The following FBXL17 variants were observed in gnomAD, a reference collection of about 807,000 sequenced individuals.
FBXL17 encodes the protein F-box/LRR-repeat protein 17.
A neutral mutation model predicts 66.2 loss-of-function variants in FBXL17; 22 were observed. The observed-to-expected ratio is 0.33, with a 90% confidence interval of 0.24 to 0.47. The LOEUF (loss-of-function observed/expected upper bound fraction) is 0.47. FBXL17 is among the 20% of genes least tolerant of loss of function. The pLI is 1.00. For missense variants in FBXL17, 878 were observed against 948.2 expected, an observed-to-expected ratio of 0.93 and a Z score of 0.97; for synonymous variants, 474 against 400.5, an observed-to-expected ratio of 1.18 and a Z score of -2.19.
At chr5:107,962,992 T>A (rs1040038677) in intron 7 of FBXL17, among the ~76,000 whole-genome samples, 1 of 152,162 alleles carries the variant, frequency 6.6e-6, no homozygotes, top group East Asian at 1.9e-4. Flanking sequence ...TAGGAAACAT[T>A]TTCATTTGAA....
intron 3 of FBXL17, among the ~76,000 whole-genome samples, chr5:108,358,490 T>C (rs1440937921): frequency 6.6e-6 from 1 of 152,168 alleles, no homozygotes; most frequent in African/African-American, 2.4e-5. Context: ...ATTACATTGA[T>C]TGATATTTGT....
At chr5:107,916,846 G>C (rs1750149248) in intron 7 of FBXL17, among the ~76,000 whole-genome samples, 1 of 152,166 alleles carries the variant, frequency 6.6e-6, no homozygotes, top group Admixed American at 6.6e-5. Flanking sequence ...TCAAACATAT[G>C]TGGTTAAAAA....
intron 6 of FBXL17, among the ~76,000 whole-genome samples, chr5:108,099,286 G>A (rs1168776751): frequency 6.6e-6 from 1 of 152,186 alleles, no homozygotes; most frequent in African/African-American, 2.4e-5. Context: ...ACATTGTAGG[G>A]GGGCAGTATT....
In FBXL17 at chr5:108,381,224, G is replaced by A; in HGVS notation, c.468C>T (p.Gly156=). ...LAAAAAWEQQ[G]RSLFLASLGP... ...CCAAGCTGGCCAGGAAGAGACTTCG[G>A]CCCTGCTGCTCCCAGGCGGCGGCCG... Residue 156 remains glycine (G), a synonymous_variant, in exon 1 of 9, where the codon GGC becomes GGT. Coordinates refer to ENST00000542267, the MANE Select transcript of FBXL17 (RefSeq NM_001163315.3). 1 of 1,447,578 alleles carries A rather than the reference G, an allele frequency of 6.9e-7. No homozygotes were observed. The highest frequency in any genetic ancestry group is 1.3e-5 in the South Asian group (1 of 74,676). The allele number at this position is 1,447,578 out of a possible 1,614,324, so 89.7% of individuals were successfully genotyped here.
chr5:107,916,605 AAG>A (rs1353036227), intron 7 of FBXL17, among the ~76,000 whole-genome samples: 1 of 89,636 alleles, frequency 1.1e-5, no homozygotes, highest in Non-Finnish European at 3.1e-5. Flanking sequence ...AAATGAAGTC[AAG>A]TCTAAAATTT....
intron 6 of FBXL17, among the ~76,000 whole-genome samples, chr5:108,110,301 G>T (rs909149896): frequency 6.6e-6 from 1 of 152,118 alleles, no homozygotes; most frequent in East Asian, 1.9e-4. Context: ...CAGTAATATA[G>T]TCTATTTATT....
In FBXL17 at chr5:108,203,185, T is replaced by C. The variant is rs559893793; in HGVS notation, c.1615-16938A>G. ...TCATGATGAATATTTTTTAATTAGC[T>C]TTTTTTTTTCATTGTTCAACCACTT... is the stretch of plus-strand genomic sequence containing the variant. On this transcript the variant is annotated intron_variant, in intron 5 of 8. Coordinates refer to ENST00000542267, the MANE Select transcript of FBXL17 (RefSeq NM_001163315.3). Among the ~76,000 whole-genome samples the C allele has an allele frequency of 3.0e-4, 45 of 149,722 alleles. No individual in the cohort carries two copies. In the South Asian group the frequency reaches 9.1e-3, roughly 30 times the overall value.
At chr5:108,246,483 C>T (rs1756102712) in intron 4 of FBXL17, among the ~76,000 whole-genome samples, 1 of 152,152 alleles carries the variant, frequency 6.6e-6, no homozygotes, top group Non-Finnish European at 1.5e-5. Flanking sequence ...TGCCACTGCA[C>T]TCCACCCTAG....
intron 4 of FBXL17, among the ~76,000 whole-genome samples, chr5:108,329,727 A>C (rs759702666): frequency 6.6e-6 from 1 of 152,198 alleles, no homozygotes; most frequent in Non-Finnish European, 1.5e-5. Flanking sequence ...AAAATATTTC[A>C]CTTGAAGATG....
At chr5:108,179,182 C>G (rs1229504183) in intron 6 of FBXL17, among the ~76,000 whole-genome samples, 1 of 152,156 alleles carries the variant, frequency 6.6e-6, no homozygotes, top group Non-Finnish European at 1.5e-5. Context: ...TTTTATATCA[C>G]CAACACCTGC....
At chr5:107,910,720 C>T (rs766890263) in intron 7 of FBXL17, among the ~76,000 whole-genome samples, 1 of 151,952 alleles carries the variant, frequency 6.6e-6, no homozygotes, top group Non-Finnish European at 1.5e-5. Context: ...TAGCTAGTTA[C>T]AAGATCCACA....
intron 7 of FBXL17, among the ~76,000 whole-genome samples, chr5:107,939,216 CAAGT>C: frequency 6.6e-6 from 1 of 152,148 alleles, no homozygotes; most frequent in African/African-American, 2.4e-5. Flanking sequence ...ATTTTACCTA[CAAGT>C]AATATGTAGG....
At chr5:107,900,150 C>T (rs1749524462) in intron 7 of FBXL17, among the ~76,000 whole-genome samples, 1 of 152,068 alleles carries the variant, frequency 6.6e-6, no homozygotes, top group Admixed American at 6.6e-5. Context: ...AGAGTATTTT[C>T]AGTAAGGATT....
intron 6 of FBXL17, among the ~76,000 whole-genome samples, chr5:108,112,269 T>C (rs1750066533): frequency 6.6e-6 from 1 of 152,280 alleles, no homozygotes; most frequent in South Asian, 2.1e-4. Context: ...AGAACCATCA[T>C]TAAGGAATAA....
intron 6 of FBXL17, among the ~76,000 whole-genome samples, chr5:108,149,953 T>G (rs1263362892): frequency 6.6e-6 from 1 of 152,218 alleles, no homozygotes; most frequent in Non-Finnish European, 1.5e-5. Flanking sequence ...AAAAACCTAA[T>G]GTTTGTTAGA....
At chr5:108,191,837 A>G (rs980276036) in intron 5 of FBXL17, among the ~76,000 whole-genome samples, 1 of 152,204 alleles carries the variant, frequency 6.6e-6, no homozygotes, top group Admixed American at 6.5e-5. Flanking sequence ...ATACATGAAG[A>G]AACAGGTTTA....
At chr5:108,245,664 A>C (rs892173860) in intron 4 of FBXL17, among the ~76,000 whole-genome samples, 4 of 152,222 alleles carry the variant, frequency 2.6e-5, no homozygotes, top group African/African-American at 9.6e-5. Flanking sequence ...ATAAACACTT[A>C]AACTCTACAA....
At position 108,318,185 on chromosome 5, in the gene FBXL17, C is replaced by T. The variant is rs900005254; in HGVS notation, c.1506+30214G>A. 2.0e-5 allele frequency among the ~76,000 whole-genome samples: 3 copies of T among 151,638 alleles called. No homozygotes were observed. The Admixed American group carries it at 2.0e-4, about 10-fold the overall frequency. On this transcript the variant is annotated intron_variant, in intron 4 of 8. Transcript: ENST00000542267. The stretch of plus-strand genomic sequence containing the variant: ...GCCTTGTATTCTTAATCATCGACAG[C>T]CAGTTTATCAACAAATTAGTAATGA...
intron 7 of FBXL17, among the ~76,000 whole-genome samples, chr5:107,999,156 T>C (rs1753606695): frequency 2.6e-5 from 4 of 152,190 alleles, no homozygotes; most frequent in Admixed American, 2.6e-4. Flanking sequence ...TATTATGTTA[T>C]ATAGGTCTAT....
Sources: gnomAD v4.1 joint callset for allele counts (sites outside exome capture counted in the v4.1 genomes callset) on GRCh38, gnomAD v4.1.1 for gene constraint, MANE v1.5 for transcripts, NCBI Gene and HGNC (gene_info 2026-07-23, HGNC 2026-07-21) for gene names.